ARB2A: variants seen among roughly 807,000 people sequenced by gnomAD.
ARB2A encodes the protein cotranscriptional regulator ARB2A.
chr5:93,882,707 G>A, the ARB2A span, among the ~76,000 whole-genome samples: 1 of 151,232 alleles, frequency 6.6e-6, no homozygotes, highest in African/African-American at 2.4e-5. Flanking sequence ...ATTCAGTTAT[G>A]TGTTGTGAGG....
the ARB2A span, chr5:94,055,991 A>G: frequency 1.3e-6 from 1 of 787,560 alleles, no homozygotes; most frequent in Non-Finnish European, 1.5e-6. Context: ...TCACAATCCT[A>G]TGAAATAGTA....
the ARB2A span, chr5:93,683,028 C>A: frequency 6.3e-7 from 1 of 1,574,910 alleles, no homozygotes; most frequent in East Asian, 2.2e-5. Context: ...GGAGTTTTTT[C>A]CTGTTTTTTG....
the ARB2A span, among the ~76,000 whole-genome samples, chr5:94,007,768 C>CT: frequency 2.8e-3 from 404 of 144,486 alleles, 5 homozygotes; most frequent in Non-Finnish European, 2.2e-3. Context: ...AAGCAAGACT[C>CT]TGTCTCAAAA....
At chr5:93,663,207 T>C in the ARB2A span, among the ~76,000 whole-genome samples, 1 of 152,176 alleles carries the variant, frequency 6.6e-6, no homozygotes, top group Non-Finnish European at 1.5e-5. Context: ...CTCCAGTCTC[T>C]CTCCTGGTTG....
At chr5:93,866,257 T>C in the ARB2A span, 3 of 984,344 alleles carry the variant, frequency 3.0e-6, no homozygotes, top group Non-Finnish European at 3.6e-6. Flanking sequence ...TAGAAGTGAA[T>C]GAAGTACCGT....
At chr5:94,104,064 C>G in the ARB2A span, among the ~76,000 whole-genome samples, 1 of 150,510 alleles carries the variant, frequency 6.6e-6, no homozygotes, top group Non-Finnish European at 1.5e-5. Context: ...TTAGAAAGAT[C>G]TCAAATTAAC....
the ARB2A span, among the ~76,000 whole-genome samples, chr5:93,808,794 T>C: frequency 2.0e-5 from 3 of 151,936 alleles, no homozygotes; most frequent in Admixed American, 1.3e-4. Flanking sequence ...GAGTGTAAAA[T>C]TTTTCTCTAA....
the ARB2A span, among the ~76,000 whole-genome samples, chr5:93,833,726 CAAG>C: frequency 2.0e-5 from 3 of 152,144 alleles, no homozygotes; most frequent in Non-Finnish European, 4.4e-5. Context: ...TTATACTAAA[CAAG>C]TAAACAACAG....
the ARB2A span, among the ~76,000 whole-genome samples, chr5:93,910,193 C>T: frequency 1.3e-5 from 2 of 150,768 alleles, no homozygotes; most frequent in African/African-American, 4.8e-5. Flanking sequence ...AGAAAATAAA[C>T]TTACATGTAC....
At chr5:93,645,430 T>G in the ARB2A span, among the ~76,000 whole-genome samples, 5 of 151,990 alleles carry the variant, frequency 3.3e-5, no homozygotes. Flanking sequence ...AAATATTAGC[T>G]GGACATGGTG....
the ARB2A span, among the ~76,000 whole-genome samples, chr5:93,807,546 T>C: frequency 6.6e-6 from 1 of 151,968 alleles, no homozygotes; most frequent in African/African-American, 2.4e-5. Context: ...AAGCAATGCA[T>C]GTCCCACTGA....
chr5:94,109,590 A>G, the ARB2A span, among the ~76,000 whole-genome samples: 1 of 152,166 alleles, frequency 6.6e-6, no homozygotes, highest in African/African-American at 2.4e-5. Flanking sequence ...TAAATAAATA[A>G]AATCCCTCAT....
chr5:93,791,306 T>A, the ARB2A span, among the ~76,000 whole-genome samples: 1 of 152,218 alleles, frequency 6.6e-6, no homozygotes, highest in Non-Finnish European at 1.5e-5. Flanking sequence ...GTGCTCTGGC[T>A]TGAATGGGAA....
chr5:93,725,292 T>C, the ARB2A span, among the ~76,000 whole-genome samples: 1 of 152,050 alleles, frequency 6.6e-6, no homozygotes, highest in South Asian at 2.1e-4. Context: ...CAGTAGCTGG[T>C]ATAGTGATTT....
chr5:93,872,042 C>T, the ARB2A span, among the ~76,000 whole-genome samples: 24 of 151,312 alleles, frequency 1.6e-4, no homozygotes, highest in East Asian at 9.7e-4. Context: ...TCTGCCTCCC[C>T]GGTTCAAGCA....
At chr5:93,985,185 T>C in the ARB2A span, among the ~76,000 whole-genome samples, 2 of 152,222 alleles carry the variant, frequency 1.3e-5, no homozygotes, top group Admixed American at 6.5e-5. Flanking sequence ...ATGTGCTGTG[T>C]TACTTTATCA....
chr5:93,780,636 T>G, the ARB2A span, among the ~76,000 whole-genome samples: 3 of 146,044 alleles, frequency 2.1e-5, no homozygotes, highest in East Asian at 6.9e-4. Flanking sequence ...CTCAGCTCAC[T>G]GCAACCTCCA....
At chr5:93,737,379 A>G in the ARB2A span, 1 of 152,190 alleles carries the variant, frequency 6.6e-6, no homozygotes, top group African/African-American at 2.4e-5. Flanking sequence ...TGAGGGTTCA[A>G]TGCACTCTGT....
chr5:93,969,984 G>GT, the ARB2A span, among the ~76,000 whole-genome samples: 2 of 151,970 alleles, frequency 1.3e-5, no homozygotes, highest in African/African-American at 4.8e-5. Context: ...CATAGGTAAG[G>GT]TAAATAATAT....
Sources: allele counts gnomAD v4.1 joint callset (sites outside exome capture counted in the v4.1 genomes callset), GRCh38; gene constraint gnomAD v4.1.1; transcripts MANE v1.5; gene names NCBI Gene and HGNC (gene_info 2026-07-23, HGNC 2026-07-21).